The following PPM1B variants were observed in gnomAD, a reference collection of about 807,000 sequenced individuals.
The protein encoded by PPM1B is protein phosphatase, Mg2+/Mn2+ dependent 1B.
In PPM1B, 22 loss-of-function variants were observed where a neutral mutation model predicts 43.0. The observed-to-expected ratio is 0.51, with a 90% CI of 0.37 to 0.73. PPM1B has a LOEUF of 0.73. Ranked by LOEUF, PPM1B falls within the 30% of genes least tolerant of loss-of-function variation. The pLI, the probability that PPM1B is intolerant of heterozygous loss-of-function variation, is 0.00. For missense variants in PPM1B, 632 were observed against 584.2 expected (o/e 1.08, Z -0.84); for synonymous variants, 217 against 197.9 (o/e 1.10, Z -0.81).
chr2:44,220,357 A>G (rs1274095123), intron 5 of PPM1B, among the ~76,000 whole-genome samples: 1 of 152,014 alleles, frequency 6.6e-6, no homozygotes, highest in Non-Finnish European at 1.5e-5. Context: ...TATACCAAGG[A>G]TAACTTTTAA....
chr2:44,230,518 A>G lies in PPM1B; in HGVS notation c.1240A>G (p.Met414Val), dbSNP rs149185169. ...RGNYRQLLEE[M>V]LTSYRLAKVE... ...AAACTACCGACAACTTCTGGAGGAG[A>G]TGCTGACTAGTTACAGGCTAGCTAA... Residue 414 changes from methionine (M) to valine (V), a missense_variant, in exon 6 of 6, where the codon ATG becomes GTG. Met to Val is a conservative substitution (Grantham distance 21). Transcript: ENST00000282412. 3.1e-6 allele frequency: 5 copies of G among 1,614,030 alleles called. No homozygotes were observed. In the African/African-American group the frequency reaches 6.7e-5, roughly 22 times the overall value.
At chr2:44,229,647 T>C (rs544954281) in intron 5 of PPM1B, among the ~76,000 whole-genome samples, 12 of 152,346 alleles carry the variant, frequency 7.9e-5, no homozygotes, top group African/African-American at 2.2e-4. Context: ...AGGACATGAC[T>C]GTACTTTATA....
At chr2:44,187,546 C>T (rs1229839717) in intron 1 of PPM1B, among the ~76,000 whole-genome samples, 1 of 152,186 alleles carries the variant, frequency 6.6e-6, no homozygotes, top group African/African-American at 2.4e-5. Context: ...ATCTGAAAGT[C>T]CATAATGATC....
At chr2:44,204,329 T>C (rs567663651) in intron 2 of PPM1B, among the ~76,000 whole-genome samples, 2 of 152,336 alleles carry the variant, frequency 1.3e-5, no homozygotes, top group East Asian at 1.9e-4. Context: ...AAGTTAAAAA[T>C]TCATGGAAAG....
intron 5 of PPM1B, among the ~76,000 whole-genome samples, chr2:44,221,937 G>A (rs948977170): frequency 1.3e-5 from 2 of 152,038 alleles, no homozygotes; most frequent in Non-Finnish European, 2.9e-5. Flanking sequence ...TTTTTAGAAT[G>A]TGTTCCATCT....
chr2:44,210,920 G>A (rs554794041), intron 3 of PPM1B, among the ~76,000 whole-genome samples: 9 of 152,200 alleles, frequency 5.9e-5, no homozygotes, highest in African/African-American at 2.4e-5. Context: ...CACGGCTCAC[G>A]AGGTCAAGAG....
chr2:44,171,962 G>A (rs1481136540), intron 1 of PPM1B, among the ~76,000 whole-genome samples: 1 of 151,872 alleles, frequency 6.6e-6, no homozygotes, highest in Non-Finnish European at 1.5e-5. Flanking sequence ...TTTTAAAAAT[G>A]CAACATACAG....
intron 1 of PPM1B, among the ~76,000 whole-genome samples, chr2:44,192,570 T>G (rs955970464): frequency 2.0e-5 from 3 of 152,232 alleles, no homozygotes; most frequent in African/African-American, 7.2e-5. Flanking sequence ...ATCTTACATA[T>G]GTATTAGGTA....
At chr2:44,171,600 C>A (rs890870061) in intron 1 of PPM1B, among the ~76,000 whole-genome samples, 3 of 151,964 alleles carry the variant, frequency 2.0e-5, no homozygotes, top group Non-Finnish European at 2.9e-5. Context: ...GAGGCTGAGG[C>A]GTGTGGATCA....
intron 1 of PPM1B, among the ~76,000 whole-genome samples, chr2:44,180,505 T>A (rs1225345326): frequency 6.6e-6 from 1 of 152,196 alleles, no homozygotes; most frequent in Non-Finnish European, 1.5e-5. Flanking sequence ...ATAATAGAGG[T>A]TAATCAGCAT....
At chr2:44,213,306 C>G (rs1669569027) in intron 3 of PPM1B, among the ~76,000 whole-genome samples, 1 of 150,848 alleles carries the variant, frequency 6.6e-6, no homozygotes, top group South Asian at 2.1e-4. Context: ...TACATAGTTA[C>G]CTGTATTTTC....
intron 1 of PPM1B, among the ~76,000 whole-genome samples, chr2:44,195,433 A>T (rs796835553): frequency 4.7e-5 from 7 of 149,248 alleles, no homozygotes; most frequent in African/African-American, 1.7e-4. Flanking sequence ...GCGGTCTTGA[A>T]CTCCTGGCCT....
At chr2:44,242,119 A>G (rs1178490009) in intron 5 of PPM1B, among the ~76,000 whole-genome samples, 1 of 152,066 alleles carries the variant, frequency 6.6e-6, no homozygotes, top group African/African-American at 2.4e-5. Context: ...CGGCCTCCCA[A>G]AGTGCTGGGA....
At chr2:44,234,321 C>A, downstream of PPM1B, 2 of 681,172 alleles carry the variant, frequency 2.9e-6, no homozygotes, top group Non-Finnish European at 1.8e-6. Flanking sequence ...GAGATCGTGA[C>A]CATCCTGGCC....
At chr2:44,182,207 C>T (rs886144634) in intron 1 of PPM1B, among the ~76,000 whole-genome samples, 1 of 151,942 alleles carries the variant, frequency 6.6e-6, no homozygotes. Context: ...TCTCTATGGA[C>T]GATACTCCAG....
At chr2:44,174,813 T>C (rs533675491) in intron 1 of PPM1B, among the ~76,000 whole-genome samples, 3 of 152,222 alleles carry the variant, frequency 2.0e-5, no homozygotes, top group South Asian at 2.1e-4. Context: ...GATGTTCTTA[T>C]GAGTAGGAGA....
At chr2:44,191,535 C>T (rs1161402055) in intron 1 of PPM1B, among the ~76,000 whole-genome samples, 1 of 152,174 alleles carries the variant, frequency 6.6e-6, no homozygotes, top group Non-Finnish European at 1.5e-5. Flanking sequence ...AGTTTTATAA[C>T]TTTGCATAAT....
downstream of PPM1B, chr2:44,234,659 GCTATT>G: frequency 1.0e-6 from 1 of 979,180 alleles, no homozygotes. Flanking sequence ...TCCTAGCCTG[GCTATT>G]CTCAAGTATT....
intron 1 of PPM1B, among the ~76,000 whole-genome samples, chr2:44,174,968 G>C (rs996229730): frequency 1.3e-5 from 2 of 152,084 alleles, no homozygotes; most frequent in Non-Finnish European, 2.9e-5. Flanking sequence ...TTAAAAAGAG[G>C]ACATGACTGG....
Sources: gnomAD v4.1 joint callset for allele counts (sites outside exome capture counted in the v4.1 genomes callset) on GRCh38, gnomAD v4.1.1 for gene constraint, MANE v1.5 for transcripts, NCBI Gene and HGNC (gene_info 2026-07-23, HGNC 2026-07-21) for gene names.